The following ZAP70 variants were observed in gnomAD, a reference collection of about 807,000 sequenced individuals.
ZAP70 encodes tyrosine-protein kinase ZAP-70.
A neutral mutation model predicts 65.8 loss-of-function variants in ZAP70; 27 were observed. The ratio of observed to expected loss-of-function variants is 0.41; its 90% CI spans 0.30 to 0.57. The LOEUF (loss-of-function observed/expected upper bound fraction) is 0.57. Among genes scored for constraint, ZAP70 ranks in the 20% least tolerant of loss-of-function variants. The probability of loss-of-function intolerance (pLI) is 0.28; values close to 1 mark genes in which losing one functional copy is unlikely to be tolerated. For missense variants in ZAP70, 696 were observed against 870.5 expected (o/e 0.80, Z 2.52); for synonymous variants, 363 against 360.8 (o/e 1.01, Z -0.07).
At chr2:97,735,227 C>G (rs1184671413) in intron 9 of ZAP70, 23 bp from the exon 10 acceptor site, 2 of 1,613,170 alleles carry the variant, frequency 1.2e-6, no homozygotes, top group African/African-American at 2.7e-5. Flanking sequence ...CGCCCACGTG[C>G]CTCCCGTGGC....
chr2:97,753,943 T>C, the ZAP70 span, among the ~76,000 whole-genome samples: 1 of 152,256 alleles, frequency 6.6e-6, no homozygotes, highest in Admixed American at 6.5e-5. Flanking sequence ...GAGCCTATGA[T>C]TGTGCCACTG....
At position 97,737,404 on chromosome 2, in the gene ZAP70, A is replaced by T; in HGVS notation, c.1290-69A>T. 1 of 1,553,890 alleles carries T rather than the reference A, an allele frequency of 6.4e-7. No individual in the cohort carries two copies. Among genetic ancestry groups the T allele is most frequent in the Non-Finnish European group, 8.9e-7 (1 of 1,126,666 alleles). ...TGGCTCATGCCCAGCTGGGTCAGAG[A>T]AGCATGCTTTGCCCCTGGGAACTTG... is the stretch of plus-strand genomic sequence containing the variant. On this transcript the variant is annotated intron_variant, in intron 10 of 13. Transcript: ENST00000264972. The surrounding 1 kb of genome is among the most constrained non-coding windows in gnomAD (Gnocchi z 5.0).
Position 97,733,361 on chromosome 2 carries a change from G to T in ZAP70, c.837+18G>T. 6.3e-7 allele frequency: 1 copy of T among 1,590,916 alleles called. No individual in the cohort carries two copies. On this transcript the variant is annotated intron_variant, in intron 7 of 13. Coordinates refer to ENST00000264972, the MANE Select transcript of ZAP70 (RefSeq NM_001079.4). ...TGACTCATGTGAGTTGGGGGCACCTGGAGTGTGGCCTTGGGGATGGAGCTG... is the reference window on the plus strand; with the variant it reads ...TGACTCATGTGAGTTGGGGGCACCTTGAGTGTGGCCTTGGGGATGGAGCTG...
intron 7 of ZAP70, 63 bp from the exon 8 acceptor site, chr2:97,733,481 A>G (rs1183307706): frequency 1.2e-6 from 2 of 1,609,410 alleles, no homozygotes; most frequent in Non-Finnish European, 8.5e-7. Flanking sequence ...CTCAGTGGAT[A>G]TAGGTCTCAT....
chr2:97,724,664 T>C, intron 3 of ZAP70: 1 of 1,528,736 alleles, frequency 6.5e-7, no homozygotes, highest in Non-Finnish European at 8.8e-7. Flanking sequence ...GCTATGGTGC[T>C]CTACTATGCC....
downstream of ZAP70, among the ~76,000 whole-genome samples, chr2:97,742,901 T>A (rs893272027): frequency 1.3e-5 from 2 of 152,222 alleles, no homozygotes; most frequent in African/African-American, 4.8e-5. Flanking sequence ...TGGGCTTCAT[T>A]TAACAAACTC....
chr2:97,750,610 G>C, the ZAP70 span, among the ~76,000 whole-genome samples: 1 of 152,192 alleles, frequency 6.6e-6, no homozygotes, highest in African/African-American at 2.4e-5. Context: ...GTTAGTCCTC[G>C]TAACAGGTCT....
intron 4 of ZAP70, among the ~76,000 whole-genome samples, chr2:97,726,027 C>T (rs1191361009): frequency 6.6e-6 from 1 of 152,058 alleles, no homozygotes; most frequent in Non-Finnish European, 1.5e-5. Flanking sequence ...GTTGAAGCAG[C>T]CCCCTCTAAC....
chr2:97,739,804 T>A lies in ZAP70; in HGVS notation c.*306T>A. The stretch of plus-strand genomic sequence containing the variant: ...TCCCCTGGGCCCTGACATTGGAGCC[T>A]GGGCATCCTCAGGTGGTCAGGCGTA... On this transcript the variant is annotated 3_prime_UTR_variant, in exon 14 of 14. Transcript: ENST00000264972. 2.2e-6 allele frequency: 1 copy of A among 449,534 alleles called. No individual in the cohort carries two copies. The highest frequency in any genetic ancestry group is 4.1e-6 in the Non-Finnish European group (1 of 246,636). The allele number at this position is 449,534 out of a possible 1,614,324, so 27.8% of individuals were successfully genotyped here.
At chr2:97,734,347 G>A (rs1024462058) in intron 8 of ZAP70, 173 bp from the exon 9 acceptor site, 1 of 1,432,212 alleles carries the variant, frequency 7.0e-7, no homozygotes, top group African/African-American at 1.4e-5. Flanking sequence ...GTGGCCAGGA[G>A]TGTATGCCAG....
intron 2 of ZAP70, among the ~76,000 whole-genome samples, chr2:97,718,611 G>T (rs748995288): frequency 6.6e-6 from 1 of 152,170 alleles, no homozygotes; most frequent in African/African-American, 2.4e-5. Context: ...CAGGAAGAGA[G>T]CCTGCCTCTG....
intron 9 of ZAP70, 154 bp downstream of exon 9, chr2:97,734,866 C>T (rs961818669): frequency 9.4e-7 from 1 of 1,061,960 alleles, no homozygotes; most frequent in Non-Finnish European, 1.4e-6. Flanking sequence ...GGAGGATTCC[C>T]TGAGAGAGCT....
At chr2:97,740,367 C>T (rs547900465), downstream of ZAP70, among the ~76,000 whole-genome samples, 4 of 152,242 alleles carry the variant, frequency 2.6e-5, no homozygotes, top group South Asian at 4.1e-4. Context: ...AGCTAATGAA[C>T]GAATTAAGAC....
chr2:97,731,054 C>CAA lies in ZAP70; in HGVS notation c.564-1809_564-1808dup, dbSNP rs56688476. On this transcript the variant is annotated intron_variant, in intron 4 of 13. Coordinates refer to ENST00000264972, the MANE Select transcript of ZAP70 (RefSeq NM_001079.4). This position sits in a 1 kb window ranked among gnomAD's most constrained non-coding sequence, Gnocchi z 4.0. Reference sequence around the variant, plus strand: ...CGGGCTGTGGAGCGAGACTCGGTCTCAAAAAAAAAAAAAAAAAAAAAGAGA... The same window carrying CAA: ...CGGGCTGTGGAGCGAGACTCGGTCTCAAAAAAAAAAAAAAAAAAAAAAAGAGA... 2.0e-3 allele frequency among the ~76,000 whole-genome samples: 104 copies of CAA among 52,130 alleles called. 1 individual carries two copies. In the East Asian group the frequency reaches 0.027, roughly 13 times the overall value. 34.2% of individuals were successfully genotyped at this position (52,130 alleles called of 152,430 possible).
At position 97,739,652 on chromosome 2, in the gene ZAP70, CT is replaced by C; in HGVS notation, c.*155del. 1.7e-6 allele frequency: 2 copies of C among 1,201,168 alleles called. No homozygotes were observed. Among genetic ancestry groups the C allele is most frequent in the South Asian group, 1.5e-5 (1 of 67,604 alleles). 74.4% of individuals were successfully genotyped at this position (1,201,168 alleles called of 1,614,324 possible). A position where few individuals can be genotyped will look rare whatever the true frequency, so the allele number is the denominator to read the frequency against. ...TCAGGCCACACCGGCCTTGCATTGC[CT>C]GCCTGGCCCCCTGTCCTCTCTGGCT... On this transcript the variant is annotated 3_prime_UTR_variant, in exon 14 of 14. Transcript: ENST00000264972.
the ZAP70 span, among the ~76,000 whole-genome samples, chr2:97,746,818 A>C: frequency 6.6e-6 from 1 of 152,250 alleles, no homozygotes; most frequent in Non-Finnish European, 1.5e-5. Context: ...GTACTTGCAA[A>C]TCATATATTG....
Position 97,736,950 on chromosome 2 carries a change from C to A in ZAP70, c.1290-523C>A, listed in dbSNP as rs931423259. Among the ~76,000 whole-genome samples, 1 of 151,828 alleles carries A rather than the reference C, an allele frequency of 6.6e-6. No individual in the cohort carries two copies. The highest frequency in any genetic ancestry group is 1.5e-5 in the Non-Finnish European group (1 of 67,956). Reference sequence around the variant, plus strand: ...AGACAGGAGGGAGCGAGGGCCTGGGCGGAGCTGACTATTCCTGCCTGGGGG... The same window carrying A: ...AGACAGGAGGGAGCGAGGGCCTGGGAGGAGCTGACTATTCCTGCCTGGGGG... On this transcript the variant is annotated intron_variant, in intron 10 of 13. Transcript: ENST00000264972. The surrounding 1 kb of genome is among the most constrained non-coding windows in gnomAD (Gnocchi z 4.0).
the ZAP70 span, among the ~76,000 whole-genome samples, chr2:97,748,076 C>T: frequency 6.6e-6 from 1 of 152,116 alleles, no homozygotes; most frequent in African/African-American, 2.4e-5. Context: ...ACCTAATCCA[C>T]AAGGATAGAG....
rs1677683076 is a variant in ZAP70 at position 97,733,122 on chromosome 2, C to A, written c.703-3C>A. 2 of 1,614,006 alleles carry A rather than the reference C, an allele frequency of 1.2e-6. No individual in the cohort carries two copies. The highest frequency in any genetic ancestry group is 1.7e-6 in the Non-Finnish European group (2 of 1,180,024). ...CTCTCTGCTAGCTGCCTGCTCCCTG[C>A]AGCTGGTGGAGTATCTGAAGCTGAA... is the stretch of plus-strand genomic sequence containing the variant. On this transcript the variant is annotated splice_region_variant and splice_polypyrimidine_tract_variant and intron_variant, in intron 5 of 13. Transcript: ENST00000264972.
Sources: gnomAD v4.1 joint callset for allele counts (sites outside exome capture counted in the v4.1 genomes callset) on GRCh38, gnomAD v4.1.1 for gene constraint, Gnocchi (gnomAD v3.1) non-coding constraint, MANE v1.5 for transcripts, NCBI Gene and HGNC (gene_info 2026-07-23, HGNC 2026-07-21) for gene names.